The following PPP1R1C variants were observed in gnomAD, a reference collection of about 807,000 sequenced individuals.
PPP1R1C encodes the protein protein phosphatase 1 regulatory inhibitor subunit 1C, also known as protein phosphatase 1 regulatory subunit 1C.
A neutral mutation model predicts 17.4 loss-of-function variants in PPP1R1C; 15 were observed. That is an observed-to-expected ratio of 0.86 (90% CI 0.58 to 1.33). PPP1R1C has a LOEUF of 1.33. Ranked by LOEUF, PPP1R1C falls within the 40% of genes most tolerant of loss-of-function variation. The pLI is 0.00. For missense variants in PPP1R1C, 143 were observed against 130.0 expected, an observed-to-expected ratio of 1.10 and a Z score of -0.48; for synonymous variants, 35 against 43.1, an observed-to-expected ratio of 0.81 and a Z score of 0.73.
chr2:182,046,189 T>G (rs1031364828), intron 2 of PPP1R1C, among the ~76,000 whole-genome samples: 4 of 151,472 alleles, frequency 2.6e-5, no homozygotes, highest in Non-Finnish European at 4.4e-5. Context: ...TAAAATCTAC[T>G]CTCTTAGCAA....
chr2:181,990,061 CTA>C (rs1685414209), intron 2 of PPP1R1C, among the ~76,000 whole-genome samples: 2 of 151,940 alleles, frequency 1.3e-5, no homozygotes, highest in Non-Finnish European at 2.9e-5. Flanking sequence ...AAAAAGAACA[CTA>C]AACCAAATCA....
At chr2:182,053,724 T>C (rs1687594617) in intron 2 of PPP1R1C, among the ~76,000 whole-genome samples, 1 of 151,994 alleles carries the variant, frequency 6.6e-6, no homozygotes, top group Non-Finnish European at 1.5e-5. Context: ...ATCCTCTCAT[T>C]CTAAATCTGC....
chr2:182,060,138 A>G (rs1574419043), intron 2 of PPP1R1C, among the ~76,000 whole-genome samples: 1 of 152,116 alleles, frequency 6.6e-6, no homozygotes, highest in African/African-American at 2.4e-5. Flanking sequence ...TGATTGCCAT[A>G]CTAAACTGTC....
At chr2:182,008,677 A>G (rs1686001991) in intron 2 of PPP1R1C, among the ~76,000 whole-genome samples, 1 of 152,180 alleles carries the variant, frequency 6.6e-6, no homozygotes, top group Non-Finnish European at 1.5e-5. Context: ...TGTTACAAAT[A>G]TTCTCGTTAT....
At chr2:182,054,331 T>G (rs939720150) in intron 2 of PPP1R1C, among the ~76,000 whole-genome samples, 4 of 152,172 alleles carry the variant, frequency 2.6e-5, no homozygotes, top group African/African-American at 9.7e-5. Context: ...GCTTATAGTT[T>G]TATGGCATTT....
chr2:182,012,007 T>C (rs1359488307), intron 2 of PPP1R1C, among the ~76,000 whole-genome samples: 1 of 152,112 alleles, frequency 6.6e-6, no homozygotes, highest in African/African-American at 2.4e-5. Context: ...TTTCTTTGAA[T>C]TTGTTAAGAC....
chr2:181,977,388 G>A (rs865986404), intron 2 of PPP1R1C, among the ~76,000 whole-genome samples: 10 of 151,908 alleles, frequency 6.6e-5, no homozygotes, highest in Middle Eastern at 3.4e-3. Flanking sequence ...TTTTGTGTGT[G>A]TGTGTTTGTT....
intron 2 of PPP1R1C, among the ~76,000 whole-genome samples, chr2:182,008,170 T>C (rs1685986237): frequency 6.6e-6 from 1 of 152,148 alleles, no homozygotes; most frequent in African/African-American, 2.4e-5. Flanking sequence ...TATGAGTGAA[T>C]TGTATTATGC....
At chr2:182,032,855 A>G (rs1686887777) in intron 2 of PPP1R1C, among the ~76,000 whole-genome samples, 2 of 152,218 alleles carry the variant, frequency 1.3e-5, no homozygotes, top group Non-Finnish European at 2.9e-5. Flanking sequence ...TAAGTTATCA[A>G]TATATTCAAG....
chr2:182,017,058 C>G (rs1686282261), intron 2 of PPP1R1C, among the ~76,000 whole-genome samples: 1 of 152,164 alleles, frequency 6.6e-6, no homozygotes, highest in African/African-American at 2.4e-5. Context: ...GTTGAGCCAT[C>G]TTTGAAGTCT....
At chr2:182,004,687 G>A (rs535993601) in intron 2 of PPP1R1C, among the ~76,000 whole-genome samples, 3 of 152,314 alleles carry the variant, frequency 2.0e-5, no homozygotes, top group Non-Finnish European at 4.4e-5. Flanking sequence ...AAAAGAGTTA[G>A]GATTAGGAAC....
At chr2:182,073,745 G>A (rs966627297) in intron 4 of PPP1R1C, among the ~76,000 whole-genome samples, 2 of 152,128 alleles carry the variant, frequency 1.3e-5, no homozygotes, top group Admixed American at 1.3e-4. Context: ...AAATATCAGG[G>A]GTAGATTCCA....
At chr2:182,111,063 T>C (rs1053681819) in intron 4 of PPP1R1C, among the ~76,000 whole-genome samples, 2 of 152,102 alleles carry the variant, frequency 1.3e-5, no homozygotes, top group Admixed American at 6.6e-5. Flanking sequence ...GTGGGCTCTT[T>C]ACGTTTTGAT....
chr2:182,093,416 T>G (rs1179782733), intron 4 of PPP1R1C, among the ~76,000 whole-genome samples: 1 of 152,222 alleles, frequency 6.6e-6, no homozygotes, highest in Non-Finnish European at 1.5e-5. Context: ...TTCTGACATG[T>G]CCTGGAGACA....
intron 4 of PPP1R1C, among the ~76,000 whole-genome samples, chr2:182,080,759 A>T (rs1688451907): frequency 6.6e-6 from 1 of 152,158 alleles, no homozygotes. Context: ...CTTCTAACCC[A>T]CAACATTTAA....
At chr2:182,058,016 T>C (rs950403853) in intron 2 of PPP1R1C, among the ~76,000 whole-genome samples, 1 of 152,078 alleles carries the variant, frequency 6.6e-6, no homozygotes, top group African/African-American at 2.4e-5. Context: ...TCACACACAG[T>C]TTCCCTATTC....
At chr2:181,969,665 A>G (rs1006372275) in intron 1 of PPP1R1C, among the ~76,000 whole-genome samples, 3 of 151,784 alleles carry the variant, frequency 2.0e-5, no homozygotes, top group Non-Finnish European at 2.9e-5. Flanking sequence ...GTTTTGGGAA[A>G]TTTTCTGTTA....
chr2:182,065,517 T>C (rs143640995), intron 4 of PPP1R1C, among the ~76,000 whole-genome samples: 2 of 152,254 alleles, frequency 1.3e-5, no homozygotes, highest in Non-Finnish European at 2.9e-5. Flanking sequence ...CTGAAATGTA[T>C]AATTCTTCAA....
chr2:181,964,582 C>A (rs1357555216), intron 1 of PPP1R1C, among the ~76,000 whole-genome samples: 1 of 152,172 alleles, frequency 6.6e-6, no homozygotes, highest in Non-Finnish European at 1.5e-5. Context: ...TACATTCCCA[C>A]CAATGGGGTA....
Sources: gnomAD v4.1 joint callset for allele counts (sites outside exome capture counted in the v4.1 genomes callset) on GRCh38, gnomAD v4.1.1 for gene constraint, MANE v1.5 for transcripts, NCBI Gene and HGNC (gene_info 2026-07-23, HGNC 2026-07-21) for gene names.